NUBPL: variants seen among roughly 807,000 people sequenced by gnomAD.
The protein encoded by NUBPL is NUBP iron-sulfur cluster assembly factor, mitochondrial, also known as iron-sulfur cluster transfer protein NUBPL.
NUBPL carries 31 observed loss-of-function variants against 45.7 expected under a neutral mutation model. The observed-to-expected ratio is 0.68, with a 90% CI of 0.51 to 0.92. The LOEUF is 0.92. Ranked by LOEUF, NUBPL falls within the 40% of genes least tolerant of loss-of-function variation. NUBPL has a pLI of 0.00. For synonymous variants in NUBPL, 144 were observed against 140.9 expected (o/e 1.02, Z -0.15); for missense variants, 401 against 398.7 (o/e 1.01, Z -0.05).
chr14:31,750,437 TCCTC>T (rs1312868379), intron 6 of NUBPL, among the ~76,000 whole-genome samples: 2 of 151,512 alleles, frequency 1.3e-5, no homozygotes, highest in East Asian at 3.9e-4. Flanking sequence ...GACCTCGTGA[TCCTC>T]CCGCCTCGGC....
rs1259375874 is a variant in NUBPL at position 31,607,883 on chromosome 14, A to G, written c.382+8504A>G. Among the ~76,000 whole-genome samples the G allele has an allele frequency of 3.9e-5, 6 of 152,178 alleles. No homozygotes were observed. The East Asian group carries it at 1.2e-3, about 29-fold the overall frequency. On this transcript the variant is annotated intron_variant, in intron 4 of 10. Transcript: ENST00000281081. ...GAGAAAGATATCAATATCCAAAAGT[A>G]CAATAAGGTTATAAAACAAAACAGA... is the stretch of plus-strand genomic sequence containing the variant.
At chr14:31,568,588 A>G (rs2033499774) in intron 3 of NUBPL, among the ~76,000 whole-genome samples, 1 of 152,242 alleles carries the variant, frequency 6.6e-6, no homozygotes, top group South Asian at 2.1e-4. Context: ...TTACCATCAC[A>G]CTCAGGAATG....
intron 6 of NUBPL, among the ~76,000 whole-genome samples, chr14:31,741,030 T>C (rs896779005): frequency 7.2e-5 from 11 of 152,214 alleles, no homozygotes; most frequent in Non-Finnish European, 1.3e-4. Flanking sequence ...ACTTTGTCCA[T>C]TAGAGCCCTT....
At chr14:31,781,818 T>C (rs2039196024) in intron 6 of NUBPL, among the ~76,000 whole-genome samples, 1 of 152,188 alleles carries the variant, frequency 6.6e-6, no homozygotes, top group African/African-American at 2.4e-5. Context: ...GCTTAGACTT[T>C]CTACCTTTCC....
chr14:31,676,377 A>G (rs1451042221), intron 6 of NUBPL, among the ~76,000 whole-genome samples: 1 of 151,992 alleles, frequency 6.6e-6, no homozygotes, highest in Admixed American at 6.6e-5. Context: ...TTTGAAATTC[A>G]TGTTTATTGT....
intron 10 of NUBPL, among the ~76,000 whole-genome samples, chr14:31,856,552 A>T (rs2139020832): frequency 6.6e-6 from 1 of 152,332 alleles, no homozygotes; most frequent in South Asian, 2.1e-4. Flanking sequence ...GAGACAAGGC[A>T]AGTCCCTTCC....
chr14:31,564,956 A>C, intron 2 of NUBPL, 58 bp from the exon 3 acceptor site: 1 of 888,524 alleles, frequency 1.1e-6, no homozygotes, highest in African/African-American at 1.7e-5. Flanking sequence ...TAAAAGATAA[A>C]ATGAATTTTA....
chr14:31,700,020 T>C (rs2139889273), intron 6 of NUBPL, among the ~76,000 whole-genome samples: 1 of 152,340 alleles, frequency 6.6e-6, no homozygotes, highest in East Asian at 1.9e-4. Flanking sequence ...TCAGCATGTA[T>C]CCAAACATCA....
chr14:31,758,181 T>C (rs1206586471), intron 6 of NUBPL, among the ~76,000 whole-genome samples: 1 of 152,208 alleles, frequency 6.6e-6, no homozygotes, highest in African/African-American at 2.4e-5. Flanking sequence ...TCTTCTTGAC[T>C]ATCTTGTTCA....
intron 7 of NUBPL, among the ~76,000 whole-genome samples, chr14:31,816,165 C>T (rs7143532): frequency 2.0e-5 from 3 of 151,984 alleles, no homozygotes; most frequent in East Asian, 1.9e-4. Flanking sequence ...ATCTGATCCT[C>T]GCTTTTATTG....
chr14:31,649,300 G>A (rs988857501), intron 4 of NUBPL, among the ~76,000 whole-genome samples: 3 of 152,152 alleles, frequency 2.0e-5, no homozygotes, highest in Non-Finnish European at 4.4e-5. Context: ...GATTTGCAAG[G>A]CTACCCTGTC....
intron 7 of NUBPL, among the ~76,000 whole-genome samples, chr14:31,814,946 A>C (rs544966120): frequency 6.6e-6 from 1 of 152,196 alleles, no homozygotes; most frequent in East Asian, 1.9e-4. Context: ...GTAGACTTGT[A>C]GTATAGTTTG....
chr14:31,602,349 C>T (rs567632724), intron 4 of NUBPL, among the ~76,000 whole-genome samples: 1 of 146,182 alleles, frequency 6.8e-6, no homozygotes, highest in East Asian at 2.0e-4. Flanking sequence ...TGTAACTAAC[C>T]TGCACATTGT....
In NUBPL at chr14:31,738,619, A is replaced by C. The variant is rs143289079; in HGVS notation, c.514-49161A>C. 6.5e-3 allele frequency among the ~76,000 whole-genome samples: 994 copies of C among 152,326 alleles called. 12 individuals are homozygous for C. The highest frequency in any genetic ancestry group is 0.022 in the African/African-American group (931 of 41,564). ...ACCTAATGCTCAAGGAGAGGAATTA[A>C]CTTTAAATTCCAACATAAAACAAAA... On this transcript the variant is annotated intron_variant, in intron 6 of 10. Transcript: ENST00000281081.
Position 31,800,578 on chromosome 14 carries a change from C to T in NUBPL, c.607+12705C>T, listed in dbSNP as rs1397039412. 6.6e-5 allele frequency among the ~76,000 whole-genome samples: 10 copies of T among 152,106 alleles called. 1 individual carries two copies. The highest frequency in any genetic ancestry group is 8.8e-5 in the Non-Finnish European group (6 of 68,026). ...TGCTTGACACAGGTTTGCTACAAAC[C>T]TTCAATTTGTAAAAAATGCAGCATC... On this transcript the variant is annotated intron_variant, in intron 7 of 10. Coordinates refer to ENST00000281081, the MANE Select transcript of NUBPL (RefSeq NM_025152.3).
intron 7 of NUBPL, among the ~76,000 whole-genome samples, chr14:31,809,535 C>G (rs1384270560): frequency 6.6e-6 from 1 of 152,084 alleles, no homozygotes; most frequent in Non-Finnish European, 1.5e-5. Flanking sequence ...TGCTAGCAGT[C>G]TGTCAATTTT....
At chr14:31,763,805 T>G (rs1250278486) in intron 6 of NUBPL, among the ~76,000 whole-genome samples, 1 of 152,184 alleles carries the variant, frequency 6.6e-6, no homozygotes, top group Non-Finnish European at 1.5e-5. Flanking sequence ...ATTCGTCTTG[T>G]CAAAAATTAT....
At chr14:31,695,560 T>C (rs567795255) in intron 6 of NUBPL, among the ~76,000 whole-genome samples, 2 of 152,244 alleles carry the variant, frequency 1.3e-5, no homozygotes, top group East Asian at 3.9e-4. Context: ...GGCTGAGTCC[T>C]CATGAATGAA....
At chr14:31,717,749 T>C (rs908027072) in intron 6 of NUBPL, among the ~76,000 whole-genome samples, 3 of 151,502 alleles carry the variant, frequency 2.0e-5, no homozygotes, top group African/African-American at 4.8e-5. Context: ...GAATCGATTT[T>C]GTGTCAGAAG....
Sources: gnomAD v4.1 joint callset for allele counts (sites outside exome capture counted in the v4.1 genomes callset) on GRCh38, gnomAD v4.1.1 for gene constraint, MANE v1.5 for transcripts, NCBI Gene and HGNC (gene_info 2026-07-23, HGNC 2026-07-21) for gene names.